MB21D2: variants seen among roughly 807,000 people sequenced by gnomAD.
MB21D2 encodes Mab-21 domain containing 2.
In MB21D2, 9 loss-of-function variants were observed where a neutral mutation model predicts 33.3. The observed-to-expected ratio is 0.27, with a 90% CI of 0.16 to 0.47. MB21D2 has a LOEUF of 0.47. Among genes scored for constraint, MB21D2 ranks in the 20% least tolerant of loss-of-function variants. MB21D2 has a pLI of 0.99. For missense variants in MB21D2, 540 were observed against 624.6 expected (o/e 0.86, Z 1.44); for synonymous variants, 241 against 236.3 (o/e 1.02, Z -0.18).
intron 1 of MB21D2, among the ~76,000 whole-genome samples, chr3:192,857,967 T>G (rs1712954965): frequency 6.6e-6 from 1 of 151,654 alleles, no homozygotes; most frequent in Non-Finnish European, 1.5e-5. Flanking sequence ...TCTACTAAAA[T>G]TACAAAAATT....
intron 1 of MB21D2, among the ~76,000 whole-genome samples, chr3:192,831,501 G>A (rs1471487154): frequency 6.6e-6 from 1 of 152,224 alleles, no homozygotes; most frequent in African/African-American, 2.4e-5. Context: ...AGATGGATCT[G>A]AGACTGGGTT....
At chr3:192,814,767 A>C (rs1711881739) in intron 1 of MB21D2, among the ~76,000 whole-genome samples, 1 of 151,742 alleles carries the variant, frequency 6.6e-6, no homozygotes, top group Admixed American at 6.6e-5. Flanking sequence ...GGGGAGGCTG[A>C]GGCAGGAGAA....
At chr3:192,820,534 C>T (rs781103423) in intron 1 of MB21D2, among the ~76,000 whole-genome samples, 12 of 152,202 alleles carry the variant, frequency 7.9e-5, no homozygotes, top group Non-Finnish European at 1.6e-4. Context: ...TGATTTGTCA[C>T]CTTTTTCTTC....
rs1017260419 is a variant in MB21D2 at position 192,804,079 on chromosome 3, G to A, written c.212-4429C>T. Among the ~76,000 whole-genome samples the A allele has an allele frequency of 2.6e-5, 4 of 152,132 alleles. No individual in the cohort carries two copies. The South Asian group carries it at 8.3e-4, about 32-fold the overall frequency. On this transcript the variant is annotated intron_variant, in intron 1 of 1. Coordinates refer to ENST00000392452, the MANE Select transcript of MB21D2 (RefSeq NM_178496.4). ...GTTTTTACTTAAGAATATCTTAATA[G>A]TACCCTTTTATATAGATACTCAGGT...
intron 1 of MB21D2, among the ~76,000 whole-genome samples, chr3:192,912,222 G>A (rs192917574): frequency 4.1e-4 from 62 of 152,298 alleles, no homozygotes; most frequent in African/African-American, 1.5e-3. Context: ...GGTCCCTGAA[G>A]GCCCTTATGA....
intron 1 of MB21D2, among the ~76,000 whole-genome samples, chr3:192,878,103 G>GTTTT (rs1296544101): frequency 1.6e-4 from 22 of 134,216 alleles, no homozygotes; most frequent in East Asian, 4.7e-4. Flanking sequence ...TTTTTTTTTG[G>GTTTT]TTTTTTTTGT....
At chr3:192,888,933 G>A (rs1189453319) in intron 1 of MB21D2, among the ~76,000 whole-genome samples, 1 of 151,964 alleles carries the variant, frequency 6.6e-6, no homozygotes, top group East Asian at 1.9e-4. Flanking sequence ...GTGCAGTGGT[G>A]CGATCTGGAC....
rs77686346 is a variant in MB21D2 at position 192,866,956 on chromosome 3, G to C, written c.211+50674C>G. Among the ~76,000 whole-genome samples, 796 of 152,276 alleles carry C rather than the reference G, an allele frequency of 5.2e-3. 7 individuals carry two copies. Among genetic ancestry groups the C allele is most frequent in the African/African-American group, 0.018 (760 of 41,548 alleles). On this transcript the variant is annotated intron_variant, in intron 1 of 1. Coordinates refer to ENST00000392452, the MANE Select transcript of MB21D2 (RefSeq NM_178496.4). ...GTAAATTTTCCTTCCTCCCAGAAGG[G>C]AGAAGGAATGGGGAAAGCTGTTTTC... is the stretch of plus-strand genomic sequence containing the variant.
intron 1 of MB21D2, among the ~76,000 whole-genome samples, chr3:192,908,612 G>T (rs1480143376): frequency 1.3e-5 from 2 of 151,694 alleles, no homozygotes; most frequent in East Asian, 3.9e-4. Context: ...TAGAGACGAG[G>T]TTTCACCGTG....
At chr3:192,904,194 G>A (rs922475529) in intron 1 of MB21D2, among the ~76,000 whole-genome samples, 2 of 152,182 alleles carry the variant, frequency 1.3e-5, no homozygotes, top group African/African-American at 2.4e-5. Flanking sequence ...AAGAGAAAAT[G>A]TATTCAGAAG....
chr3:192,914,433 G>A (rs551667890), intron 1 of MB21D2, among the ~76,000 whole-genome samples: 34 of 152,190 alleles, frequency 2.2e-4, no homozygotes, highest in Non-Finnish European at 4.1e-4. Flanking sequence ...TCTGTTCAAT[G>A]GGGACACAAA....
chr3:192,871,445 T>C (rs558067200), intron 1 of MB21D2, among the ~76,000 whole-genome samples: 2 of 152,276 alleles, frequency 1.3e-5, no homozygotes, highest in South Asian at 4.1e-4. Context: ...AGGGATACAG[T>C]AGAACACAGA....
Position 192,805,899 on chromosome 3 carries a change from G to C in MB21D2, c.212-6249C>G, listed in dbSNP as rs776561013. ...AAGAGCAAATAAACACAGATTCCACGGAGTTATTTTAAAGATTTAATTAAA... is the reference window on the plus strand; with the variant it reads ...AAGAGCAAATAAACACAGATTCCACCGAGTTATTTTAAAGATTTAATTAAA... On this transcript the variant is annotated intron_variant, in intron 1 of 1. Transcript: ENST00000392452. Among the ~76,000 whole-genome samples the C allele has an allele frequency of 2.0e-5, 3 of 152,106 alleles. No homozygotes were observed. The East Asian group carries it at 5.8e-4, about 29-fold the overall frequency.
intron 1 of MB21D2, among the ~76,000 whole-genome samples, chr3:192,809,170 A>C (rs1711731833): frequency 6.6e-6 from 1 of 152,030 alleles, no homozygotes; most frequent in Non-Finnish European, 1.5e-5. Context: ...ATCTTGGCTC[A>C]CTGCAACCTC....
At chr3:192,814,658 C>T (rs1196498209) in intron 1 of MB21D2, among the ~76,000 whole-genome samples, 5 of 151,856 alleles carry the variant, frequency 3.3e-5, no homozygotes, top group Non-Finnish European at 5.9e-5. Flanking sequence ...GTCAGGAGAT[C>T]GAGACCATCC....
chr3:192,908,679 A>C (rs1218949658), intron 1 of MB21D2, among the ~76,000 whole-genome samples: 1 of 151,732 alleles, frequency 6.6e-6, no homozygotes, highest in East Asian at 2.0e-4. Flanking sequence ...CGGCCTCCCA[A>C]AGTGCTGGGA....
At chr3:192,805,885 A>G (rs369578596) in intron 1 of MB21D2, among the ~76,000 whole-genome samples, 1 of 152,270 alleles carries the variant, frequency 6.6e-6, no homozygotes, top group East Asian at 1.9e-4. Flanking sequence ...AGAGCAAATA[A>G]ACACAGATTC....
At chr3:192,900,810 G>A (rs954123123) in intron 1 of MB21D2, among the ~76,000 whole-genome samples, 10 of 152,014 alleles carry the variant, frequency 6.6e-5, no homozygotes, top group South Asian at 6.2e-4. Flanking sequence ...GTATGGCGGC[G>A]CCCGCCTGTA....
intron 1 of MB21D2, among the ~76,000 whole-genome samples, chr3:192,809,404 C>T (rs962141539): frequency 1.3e-5 from 2 of 152,050 alleles, no homozygotes; most frequent in Non-Finnish European, 2.9e-5. Flanking sequence ...CTAGTGTCCC[C>T]ATTTTACAGA....
Sources: gnomAD v4.1 joint callset for allele counts (sites outside exome capture counted in the v4.1 genomes callset) on GRCh38, gnomAD v4.1.1 for gene constraint, MANE v1.5 for transcripts, NCBI Gene and HGNC (gene_info 2026-07-23, HGNC 2026-07-21) for gene names.